Variants in NGB observed in about 807,000 individuals in gnomAD.
NGB encodes the protein neuroglobin.
In NGB, 12 loss-of-function variants were observed where a neutral mutation model predicts 17.3. The observed-to-expected ratio is 0.69, with a 90% CI of 0.45 to 1.13. The LOEUF is 1.13. Among genes scored for constraint, NGB ranks in the 50% most tolerant of loss-of-function variants. The pLI, the probability that NGB is intolerant of heterozygous loss-of-function variation, is 0.00. For synonymous variants in NGB, 87 were observed against 81.0 expected (o/e 1.07, Z -0.40); for missense variants, 195 against 191.7 (o/e 1.02, Z -0.10).
chr14:77,268,736 C>A, intron 2 of NGB, 151 bp from the exon 3 acceptor site: 1 of 1,067,238 alleles, frequency 9.4e-7, no homozygotes, highest in East Asian at 2.4e-5. Context: ...CCTGTGTCTA[C>A]TACATGTAGG....
In NGB at chr14:77,266,714, G is replaced by A. The variant is rs755543042; in HGVS notation, c.322-44C>T. 5.6e-6 allele frequency: 9 copies of A among 1,602,314 alleles called. No homozygotes were observed. In the South Asian group the frequency reaches 1.0e-4, roughly 18 times the overall value. On this transcript the variant is annotated intron_variant, in intron 3 of 3. Coordinates refer to ENST00000298352, the MANE Select transcript of NGB (RefSeq NM_021257.4). The stretch of plus-strand genomic sequence containing the variant: ...CCTTGTCACTTCCAAAGGCAGAAAG[G>A]CACTGCTCCATTCCACAGGTGAGAA...
chr14:77,266,688 A>G lies in NGB; in HGVS notation c.322-18T>C. ...CCCACTGTCTGCAGAGGCAAGGGGC[A>G]CCTTGTCACTTCCAAAGGCAGAAAG... On this transcript the variant is annotated intron_variant, in intron 3 of 3. Transcript: ENST00000298352. The G allele has an allele frequency of 1.2e-6, 2 of 1,611,508 alleles. No homozygotes were observed. Among genetic ancestry groups the G allele is most frequent in the Non-Finnish European group, 1.7e-6 (2 of 1,178,722 alleles).
At position 77,266,587 on chromosome 14, in the gene NGB, T is replaced by C; in HGVS notation, c.405A>G (p.Gln135=). ...FTPATRAAWS[Q]LYGAVVQAMS... is the part of the protein sequence containing the mutation. ...TGGCCTGCACTACGGCCCCGTAGAG[T>C]TGGCTCCAGGCAGCCCGTGTGGCTG... Residue 135 remains glutamine, a synonymous_variant, in exon 4 of 4, where the codon CAA becomes CAG. Coordinates refer to ENST00000298352, the MANE Select transcript of NGB (RefSeq NM_021257.4). 1 of 1,613,994 alleles carries C rather than the reference T, an allele frequency of 6.2e-7. No homozygotes were observed. The highest frequency in any genetic ancestry group is 8.5e-7 in the Non-Finnish European group (1 of 1,180,012).
chr14:77,269,628 C>T (rs201378405), intron 1 of NGB, among the ~76,000 whole-genome samples: 1 of 151,582 alleles, frequency 6.6e-6, no homozygotes, highest in Non-Finnish European at 1.5e-5. Context: ...GGTCCCCAAA[C>T]AGGAAACCTG....
Position 77,266,685 on chromosome 14 carries a change from G to A in NGB, c.322-15C>T, listed in dbSNP as rs542940662. 9.9e-6 allele frequency: 16 copies of A among 1,612,128 alleles called. No homozygotes were observed. In the African/African-American group the frequency reaches 1.3e-4, roughly 13 times the overall value. On this transcript the variant is annotated splice_polypyrimidine_tract_variant and intron_variant, in intron 3 of 3. Coordinates refer to ENST00000298352, the MANE Select transcript of NGB (RefSeq NM_021257.4). Reference sequence around the variant, plus strand: ...TCACCCACTGTCTGCAGAGGCAAGGGGCACCTTGTCACTTCCAAAGGCAGA... The same window carrying A: ...TCACCCACTGTCTGCAGAGGCAAGGAGCACCTTGTCACTTCCAAAGGCAGA...
chr14:77,268,526 C>T lies in NGB; in HGVS notation c.261G>A (p.Glu87=). 1 of 1,613,842 alleles carries T rather than the reference C, an allele frequency of 6.2e-7. No homozygotes were observed. The highest frequency in any genetic ancestry group is 8.5e-7 in the Non-Finnish European group (1 of 1,179,996). ...TNVEDLSSLE[E]YLASLGRKHR... is the part of the protein sequence containing the mutation. ...GCTTCCTGCCCAGGCTGGCAAGGTA[C>T]TCCTCCAGTGAGGACAGGTCTTCCA... Residue 87 remains glutamate (E), a synonymous_variant, in exon 3 of 4, where the codon GAG becomes GAA. Transcript: ENST00000298352.
Position 77,269,334 on chromosome 14 carries a change from A to G in NGB, c.90-8T>C. On this transcript the variant is annotated splice_region_variant and splice_polypyrimidine_tract_variant and intron_variant, in intron 1 of 3. Coordinates refer to ENST00000298352, the MANE Select transcript of NGB (RefSeq NM_021257.4). ...GGCTCCAGGGCAAACAGCCTGTGGG[A>G]GTGAGGCCCAGGTGTTAGCCCTGGG... 1 of 1,535,844 alleles carries G rather than the reference A, an allele frequency of 6.5e-7. No homozygotes were observed. Among genetic ancestry groups the G allele is most frequent in the Non-Finnish European group, 8.8e-7 (1 of 1,132,932 alleles).
At chr14:77,268,856 C>T (rs1286195844) in intron 2 of NGB, among the ~76,000 whole-genome samples, 1 of 152,216 alleles carries the variant, frequency 6.6e-6, no homozygotes, top group Non-Finnish European at 1.5e-5. Flanking sequence ...GTGTTGTCTG[C>T]TGGGACAAGG....
rs775796017 is a variant in NGB, at chr14:77,270,892, C to G, written c.46G>C (p.Val16Leu). Residue 16 changes from valine to leucine, a missense_variant, in exon 1 of 4, where the codon GTG (valine) becomes CTG (leucine). Physicochemically the swap from Val to Leu is conservative, Grantham distance 32 (BLOSUM62 1). Transcript: ENST00000298352. ...PELIRQSWRA[V>L]SRSPLEHGTV... The stretch of plus-strand genomic sequence containing the variant: ...CCGTGCTCCAGCGGGCTGCGGCTCA[C>G]TGCCCGCCAGCTCTGCCGGATCAGC... 5 of 1,584,890 alleles carry G rather than the reference C, an allele frequency of 3.2e-6. No homozygotes were observed. Among genetic ancestry groups the G allele is most frequent in the Non-Finnish European group, 2.6e-6 (3 of 1,172,268 alleles).
At position 77,266,448 on chromosome 14, in the gene NGB, G is replaced by T. The variant is rs763564540; in HGVS notation, c.*88C>A. The T allele has an allele frequency of 3.6e-5, 56 of 1,544,134 alleles. No individual in the cohort carries two copies. The Middle Eastern group carries it at 7.8e-4, about 22-fold the overall frequency. On this transcript the variant is annotated 3_prime_UTR_variant, in exon 4 of 4. Coordinates refer to ENST00000298352, the MANE Select transcript of NGB (RefSeq NM_021257.4). ...TGGCCAAGGGGACAAGGACCAAGAT[G>T]CAGGGAAGCTTGGGGAGCCTGGGCT...
intron 1 of NGB, among the ~76,000 whole-genome samples, chr14:77,270,519 A>C (rs1200468393): frequency 6.6e-6 from 1 of 152,206 alleles, no homozygotes; most frequent in Non-Finnish European, 1.5e-5. Context: ...CGCAGGAGGC[A>C]CAAGGCGGGG....
At chr14:77,269,727 T>TGA (rs1889735140) in intron 1 of NGB, among the ~76,000 whole-genome samples, 1 of 2,910 alleles carries the variant, frequency 3.4e-4, no homozygotes, top group African/African-American at 1.7e-3. Context: ...TCTCTCTCTC[T>TGA]TCTCTCTCTC....
chr14:77,269,688 C>T (rs1190262860), intron 1 of NGB, among the ~76,000 whole-genome samples: 5 of 1,162 alleles, frequency 4.3e-3, no homozygotes, highest in Non-Finnish European at 0.011. Flanking sequence ...CTCTCTCTCT[C>T]TCTCTCTCTC....
At chr14:77,269,932 G>C (rs1456804241) in intron 1 of NGB, among the ~76,000 whole-genome samples, 1 of 148,276 alleles carries the variant, frequency 6.7e-6, no homozygotes, top group Non-Finnish European at 1.5e-5. Context: ...AGAAGCCCGG[G>C]GAGGCTAGAA....
In NGB at chr14:77,266,526, G is replaced by A. The variant is rs781201201; in HGVS notation, c.*10C>T. The stretch of plus-strand genomic sequence containing the variant: ...ACAGATGGATGGGGGCTGCCGGGCG[G>A]GGTCGCCTCTTACTCGCCATCCCAG... On this transcript the variant is annotated 3_prime_UTR_variant, in exon 4 of 4. Transcript: ENST00000298352. 3.1e-6 allele frequency: 5 copies of A among 1,609,510 alleles called. No homozygotes were observed. In the Admixed American group the frequency reaches 8.4e-5, roughly 27 times the overall value.
chr14:77,269,385 A>G (rs1889720094), intron 1 of NGB, 59 bp from the exon 2 acceptor site: 1 of 1,217,178 alleles, frequency 8.2e-7, no homozygotes, highest in Admixed American at 2.0e-5. Context: ...AGCCCCAGCA[A>G]GCCTGGCTGT....
rs1378828990 is a variant in NGB, at chr14:77,265,732, G to C, written c.*804C>G. 5 of 156,092 alleles carry C rather than the reference G, an allele frequency of 3.2e-5. No individual in the cohort carries two copies. The highest frequency in any genetic ancestry group is 5.7e-5 in the Non-Finnish European group (4 of 70,046). The allele number at this position is 156,092 out of a possible 1,614,324, so 9.7% of individuals were successfully genotyped here. A position where few individuals can be genotyped will look rare whatever the true frequency, so the allele number is the denominator to read the frequency against. On this transcript the variant is annotated 3_prime_UTR_variant, in exon 4 of 4. Transcript: ENST00000298352. The surrounding 1 kb of genome is among the most constrained non-coding windows in gnomAD (Gnocchi z 4.7). ...GGTAAGACTCACTCCTGCAGGAGCGGGTTGGTGATGAAGGGCTGGGGGAAC... is the reference window on the plus strand; with the variant it reads ...GGTAAGACTCACTCCTGCAGGAGCGCGTTGGTGATGAAGGGCTGGGGGAAC...
At chr14:77,270,571 T>C (rs1017954101) in intron 1 of NGB, among the ~76,000 whole-genome samples, 1 of 152,106 alleles carries the variant, frequency 6.6e-6, no homozygotes, top group Non-Finnish European at 1.5e-5. Context: ...CGCCCAGATG[T>C]GGGGAGATCC....
chr14:77,270,119 G>A (rs955093709), intron 1 of NGB, among the ~76,000 whole-genome samples: 3 of 152,014 alleles, frequency 2.0e-5, no homozygotes, highest in Non-Finnish European at 4.4e-5. Context: ...GGAAGCCTGG[G>A]TAGAAGTTCT....
Sources: gnomAD v4.1 joint callset for allele counts (sites outside exome capture counted in the v4.1 genomes callset) on GRCh38, gnomAD v4.1.1 for gene constraint, Gnocchi (gnomAD v3.1) non-coding constraint, MANE v1.5 for transcripts, NCBI Gene and HGNC (gene_info 2026-07-23, HGNC 2026-07-21) for gene names.